Variants in ST6GALNAC3 observed in about 807,000 individuals in gnomAD.
ST6GALNAC3 encodes alpha-N-acetylgalactosaminide alpha-2,6-sialyltransferase 3.
Under a neutral mutation model 32.7 loss-of-function variants are expected in ST6GALNAC3, and 25 were observed. The ratio of observed to expected loss-of-function variants is 0.76; its 90% CI spans 0.56 to 1.07. The LOEUF is 1.07. ST6GALNAC3 is among the 50% of genes least tolerant of loss of function. The pLI, the probability that ST6GALNAC3 is intolerant of heterozygous loss-of-function variation, is 0.00. For missense variants in ST6GALNAC3, 355 were observed against 382.4 expected, an observed-to-expected ratio of 0.93 and a Z score of 0.60; for synonymous variants, 129 against 133.1, an observed-to-expected ratio of 0.97 and a Z score of 0.21.
intron 1 of ST6GALNAC3, among the ~76,000 whole-genome samples, chr1:76,082,110 T>G (rs541276727): frequency 6.6e-6 from 1 of 152,366 alleles, no homozygotes; most frequent in African/African-American, 2.4e-5. Flanking sequence ...AGCGAAGTTA[T>G]GAAAGCTTCT....
intron 1 of ST6GALNAC3, among the ~76,000 whole-genome samples, chr1:76,147,583 C>T (rs985613011): frequency 6.6e-6 from 1 of 152,194 alleles, no homozygotes; most frequent in Middle Eastern, 3.4e-3. Flanking sequence ...TATTCTATAC[C>T]GTTTACTTAC....
At position 76,516,398 on chromosome 1, in the gene ST6GALNAC3, C is replaced by G. The variant is rs559353964; in HGVS notation, c.623+103981C>G. ...TTGCTTTTGTTTGGTTTGGCTTAAACTTTTTAAAATAGGTTTTTATAATTG... is the reference window on the plus strand; with the variant it reads ...TTGCTTTTGTTTGGTTTGGCTTAAAGTTTTTAAAATAGGTTTTTATAATTG... On this transcript the variant is annotated intron_variant, in intron 3 of 4. Coordinates refer to ENST00000328299, the MANE Select transcript of ST6GALNAC3 (RefSeq NM_152996.4). Among the ~76,000 whole-genome samples, 268 of 152,108 alleles carry G rather than the reference C, an allele frequency of 1.8e-3. 1 individual carries two copies. Among genetic ancestry groups the G allele is most frequent in the Non-Finnish European group, 2.1e-3 (143 of 67,992 alleles).
At chr1:76,625,828 C>T (rs941018780) in intron 3 of ST6GALNAC3, among the ~76,000 whole-genome samples, 1 of 151,874 alleles carries the variant, frequency 6.6e-6, no homozygotes, top group African/African-American at 2.4e-5. Context: ...GTGCATGTAA[C>T]TCACTGTGAT....
chr1:76,622,460 T>C (rs933585679), intron 3 of ST6GALNAC3, among the ~76,000 whole-genome samples: 3 of 151,948 alleles, frequency 2.0e-5, no homozygotes, highest in African/African-American at 7.2e-5. Flanking sequence ...AACTGGAGAT[T>C]ATAGGAATCT....
chr1:76,144,145 A>C (rs289682), intron 1 of ST6GALNAC3, among the ~76,000 whole-genome samples: 21,725 of 152,120 alleles, frequency 0.14, 1,711 homozygotes, highest in African/African-American at 0.16. Context: ...ACCTCATGAG[A>C]AGCATGGGCT....
rs529662471 is a variant in ST6GALNAC3 at position 76,355,586 on chromosome 1, C to T, written c.213+41587C>T. Reference sequence around the variant, plus strand: ...GCATCTGTAATGTGAATTTGGCCCACTCTGTATCAGAAAAAAATAACTTCC... The same window carrying T: ...GCATCTGTAATGTGAATTTGGCCCATTCTGTATCAGAAAAAAATAACTTCC... On this transcript the variant is annotated intron_variant, in intron 2 of 4. Coordinates refer to ENST00000328299, the MANE Select transcript of ST6GALNAC3 (RefSeq NM_152996.4). Among the ~76,000 whole-genome samples, 8 of 152,310 alleles carry T rather than the reference C, an allele frequency of 5.3e-5. No homozygotes were observed. In the East Asian group the frequency reaches 1.2e-3, roughly 22 times the overall value.
chr1:76,548,384 T>C (rs1341567913), intron 3 of ST6GALNAC3, among the ~76,000 whole-genome samples: 2 of 152,182 alleles, frequency 1.3e-5, no homozygotes, highest in Non-Finnish European at 2.9e-5. Flanking sequence ...AGTTCAGCTC[T>C]GGTACCATGG....
At chr1:76,232,483 A>T (rs1429478889) in intron 1 of ST6GALNAC3, among the ~76,000 whole-genome samples, 1 of 152,182 alleles carries the variant, frequency 6.6e-6, no homozygotes, top group Non-Finnish European at 1.5e-5. Flanking sequence ...GATTCCACTC[A>T]GGTGGGACCA....
At chr1:76,409,914 T>G (rs559243094) in intron 2 of ST6GALNAC3, among the ~76,000 whole-genome samples, 1 of 152,232 alleles carries the variant, frequency 6.6e-6, no homozygotes, top group East Asian at 1.9e-4. Flanking sequence ...TTTGAGTAGT[T>G]TCAATTCAAT....
chr1:76,149,064 T>A (rs77196739), intron 1 of ST6GALNAC3, among the ~76,000 whole-genome samples: 1 of 152,170 alleles, frequency 6.6e-6, no homozygotes, highest in African/African-American at 2.4e-5. Context: ...GTCAGATAAT[T>A]CATGTAAAGC....
chr1:76,340,166 C>A (rs1647840242), intron 2 of ST6GALNAC3, among the ~76,000 whole-genome samples: 1 of 152,162 alleles, frequency 6.6e-6, no homozygotes, highest in Admixed American at 6.6e-5. Context: ...TTGCATGGTC[C>A]CTCGGAGTGC....
intron 1 of ST6GALNAC3, among the ~76,000 whole-genome samples, chr1:76,151,020 C>T (rs1380375831): frequency 1.3e-5 from 2 of 152,210 alleles, no homozygotes; most frequent in Non-Finnish European, 2.9e-5. Context: ...GCCAAGTCTT[C>T]CACTCAGCCT....
intron 2 of ST6GALNAC3, among the ~76,000 whole-genome samples, chr1:76,314,205 CT>C (rs1484281619): frequency 6.6e-6 from 1 of 152,098 alleles, no homozygotes; most frequent in African/African-American, 2.4e-5. Flanking sequence ...ATTAAATCTT[CT>C]GATTCACTGG....
intron 1 of ST6GALNAC3, among the ~76,000 whole-genome samples, chr1:76,299,464 G>T (rs1256139905): frequency 6.6e-6 from 1 of 152,046 alleles, no homozygotes; most frequent in Non-Finnish European, 1.5e-5. Flanking sequence ...AAAAGGGGAT[G>T]TACATGTGTG....
At chr1:76,512,973 A>T (rs1385804638) in intron 3 of ST6GALNAC3, among the ~76,000 whole-genome samples, 6 of 104,554 alleles carry the variant, frequency 5.7e-5, no homozygotes, top group Non-Finnish European at 1.1e-4. Context: ...AAAAATATCT[A>T]TTTAGGTATA....
chr1:76,446,920 G>A (rs1657017104), intron 3 of ST6GALNAC3, among the ~76,000 whole-genome samples: 1 of 152,114 alleles, frequency 6.6e-6, no homozygotes, highest in African/African-American at 2.4e-5. Flanking sequence ...TCAGCAATGT[G>A]AAAATGAACT....
intron 3 of ST6GALNAC3, among the ~76,000 whole-genome samples, chr1:76,560,313 C>A (rs1310290119): frequency 1.3e-5 from 2 of 151,914 alleles, no homozygotes; most frequent in Non-Finnish European, 2.9e-5. Context: ...TAGAGGCCAC[C>A]AAAGCAAAAA....
intron 2 of ST6GALNAC3, among the ~76,000 whole-genome samples, chr1:76,322,895 C>T (rs934355712): frequency 1.7e-4 from 26 of 152,070 alleles, no homozygotes; most frequent in Non-Finnish European, 4.4e-5. Context: ...GGCTGGAGTT[C>T]AGTGGCACGA....
intron 3 of ST6GALNAC3, among the ~76,000 whole-genome samples, chr1:76,484,795 G>A (rs1659987448): frequency 6.6e-6 from 1 of 152,164 alleles, no homozygotes; most frequent in South Asian, 2.1e-4. Flanking sequence ...TCCCTGTCTT[G>A]TGCCAGTTTT....
Sources: gnomAD v4.1 joint callset for allele counts (sites outside exome capture counted in the v4.1 genomes callset) on GRCh38, gnomAD v4.1.1 for gene constraint, MANE v1.5 for transcripts, NCBI Gene and HGNC (gene_info 2026-07-23, HGNC 2026-07-21) for gene names.